RC3H2: variants seen among roughly 807,000 people sequenced by gnomAD.
RC3H2 encodes the protein ring finger and CCCH-type domains 2, also known as roquin-2.
RC3H2 carries 31 observed loss-of-function variants against 133.3 expected under a neutral mutation model. The ratio of observed to expected loss-of-function variants is 0.23; its 90% CI spans 0.17 to 0.31. RC3H2 has a LOEUF of 0.31. RC3H2 is among the 10% of genes least tolerant of loss of function. The probability of loss-of-function intolerance (pLI) is 1.00; values close to 1 mark genes in which losing one functional copy is unlikely to be tolerated. For synonymous variants in RC3H2, 517 were observed against 502.2 expected (o/e 1.03, Z -0.40); for missense variants, 1,175 against 1,437.2 (o/e 0.82, Z 2.95).
At chr9:122,885,102 G>A (rs1428904119) in intron 4 of RC3H2, among the ~76,000 whole-genome samples, 2 of 152,032 alleles carry the variant, frequency 1.3e-5, no homozygotes, top group East Asian at 3.8e-4. Flanking sequence ...GTACTGTATT[G>A]TATCATTAAT....
rs1050478822 is a variant in RC3H2, at chr9:122,850,960, C to T, written c.3380+121G>A. 5 of 1,048,406 alleles carry T rather than the reference C, an allele frequency of 4.8e-6. No individual in the cohort carries two copies. The African/African-American group carries it at 4.8e-5, about 10-fold the overall frequency. The allele number at this position is 1,048,406 out of a possible 1,614,324, so 64.9% of individuals were successfully genotyped here. On this transcript the variant is annotated intron_variant, in intron 20 of 20. Coordinates refer to ENST00000357244, the MANE Select transcript of RC3H2 (RefSeq NM_001100588.3). Reference sequence around the variant, plus strand: ...TTTCTTCCCTAAAAATCCAGATTGACCAAATCATTGCCCATATAAGGTCTT... The same window carrying T: ...TTTCTTCCCTAAAAATCCAGATTGATCAAATCATTGCCCATATAAGGTCTT...
intron 18 of RC3H2, among the ~76,000 whole-genome samples, chr9:122,852,734 A>G (rs1291115837): frequency 1.4e-5 from 2 of 147,374 alleles, no homozygotes; most frequent in Non-Finnish European, 3.0e-5. Flanking sequence ...CTGCCCGGCC[A>G]GCCGCCCCGT....
chr9:122,871,018 CT>C (rs943634213), intron 9 of RC3H2, among the ~76,000 whole-genome samples: 2 of 152,204 alleles, frequency 1.3e-5, no homozygotes, highest in African/African-American at 4.8e-5. Flanking sequence ...TCAACCACCC[CT>C]CCTACAGCTA....
chr9:122,887,444 A>C (rs1266407193), intron 4 of RC3H2, among the ~76,000 whole-genome samples: 2 of 152,016 alleles, frequency 1.3e-5, no homozygotes, highest in Admixed American at 6.6e-5. Flanking sequence ...TCAGCCTCCC[A>C]AAGTACTGGG....
chr9:122,861,677 T>C (rs184274888), intron 10 of RC3H2, among the ~76,000 whole-genome samples: 149 of 152,258 alleles, frequency 9.8e-4, no homozygotes, highest in African/African-American at 3.0e-3. Context: ...ACTCAATACA[T>C]TGCATCTCAA....
chr9:122,851,423 T>C lies in RC3H2; in HGVS notation c.3131A>G (p.Tyr1044Cys), dbSNP rs771473617. Residue 1044 changes from tyrosine to cysteine, a missense_variant, in exon 19 of 21, where the codon TAT becomes TGT. This residue lies in a region of RC3H2 where 220 missense variants were observed against 201.1 expected (regional missense o/e 1.09). Coordinates refer to ENST00000357244, the MANE Select transcript of RC3H2 (RefSeq NM_001100588.3). ...TTTAGTATCTGTTGCATCTTCTGTATAATCACTCTGTAACTAAGAAAAATA... is the reference window on the plus strand; with the variant it reads ...TTTAGTATCTGTTGCATCTTCTGTACAATCACTCTGTAACTAAGAAAAATA... Reference protein sequence around the residue: ...ELRNGELQSDYTEDATDTKPD... With the variant: ...ELRNGELQSDCTEDATDTKPD... 2.5e-6 allele frequency: 4 copies of C among 1,614,112 alleles called. No individual in the cohort carries two copies. Among genetic ancestry groups the C allele is most frequent in the South Asian group, 1.1e-5 (1 of 91,080 alleles).
At chr9:122,904,429 C>T (rs985118009) in intron 1 of RC3H2, among the ~76,000 whole-genome samples, 23 of 152,206 alleles carry the variant, frequency 1.5e-4, no homozygotes, top group African/African-American at 5.3e-4. Context: ...AGTACAGCTG[C>T]TTCTCTGGGA....
At position 122,859,252 on chromosome 9, in the gene RC3H2, C is replaced by CTTTTTTTTTTTTTTTTTTTTTTT. The variant is rs10608695; in HGVS notation, c.1850-151_1850-150insAAAAAAAAAAAAAAAAAAAAAAA. 10 of 179,714 alleles carry CTTTTTTTTTTTTTTTTTTTTTTT rather than the reference C, an allele frequency of 5.6e-5. 2 individuals are homozygous for CTTTTTTTTTTTTTTTTTTTTTTT. The highest frequency in any genetic ancestry group is 3.1e-4 in the East Asian group (1 of 3,244). 11.1% of individuals were successfully genotyped at this position (179,714 alleles called of 1,614,324 possible). ...TGCTTTATAAAGCTTTATACCCTGGCTTTTTTTTTTTTTTTTTTTTTTGGT... is the reference window on the plus strand; with the variant it reads ...TGCTTTATAAAGCTTTATACCCTGGCTTTTTTTTTTTTTTTTTTTTTTTTTTTTTTTTTTTTTTTTTTTTTGGT... On this transcript the variant is annotated intron_variant, in intron 11 of 20. Coordinates refer to ENST00000357244, the MANE Select transcript of RC3H2 (RefSeq NM_001100588.3).
At chr9:122,878,895 T>C (rs993035292) in intron 8 of RC3H2, among the ~76,000 whole-genome samples, 12 of 149,844 alleles carry the variant, frequency 8.0e-5, no homozygotes, top group Non-Finnish European at 1.6e-4. Flanking sequence ...ATTACAGGCA[T>C]CCACCACAAT....
chr9:122,851,963 CTGGGA>C (rs1352367877), intron 18 of RC3H2, among the ~76,000 whole-genome samples: 4 of 148,236 alleles, frequency 2.7e-5, no homozygotes, highest in Non-Finnish European at 6.0e-5. Flanking sequence ...CGCCCATCGT[CTGGGA>C]TGTGAGGAGC....
intron 10 of RC3H2, among the ~76,000 whole-genome samples, chr9:122,864,495 T>C (rs1830565279): frequency 6.6e-6 from 1 of 152,140 alleles, no homozygotes; most frequent in African/African-American, 2.4e-5. Flanking sequence ...GTTGACACCA[T>C]TATAATTCTA....
chr9:122,897,194 C>T lies in RC3H2; in HGVS notation c.231+85G>A. 5 of 1,190,830 alleles carry T rather than the reference C, an allele frequency of 4.2e-6. 1 individual carries two copies. The South Asian group carries it at 7.1e-5, about 17-fold the overall frequency. 73.8% of individuals were successfully genotyped at this position (1,190,830 alleles called of 1,614,324 possible). A position where few individuals can be genotyped will look rare whatever the true frequency, so the allele number is the denominator to read the frequency against. On this transcript the variant is annotated intron_variant, in intron 2 of 20. Coordinates refer to ENST00000357244, the MANE Select transcript of RC3H2 (RefSeq NM_001100588.3). Reference sequence around the variant, plus strand: ...CAAAGATGTCCTGGGCCACATGTAGCCTGCAGGCTGGACAAGCCGTTAAAA... The same window carrying T: ...CAAAGATGTCCTGGGCCACATGTAGTCTGCAGGCTGGACAAGCCGTTAAAA...
intron 2 of RC3H2, among the ~76,000 whole-genome samples, chr9:122,896,897 G>A (rs1832441481): frequency 6.6e-6 from 1 of 151,560 alleles, no homozygotes; most frequent in Admixed American, 6.6e-5. Flanking sequence ...ATGGTGATGT[G>A]GGCCTATAGT....
intron 3 of RC3H2, among the ~76,000 whole-genome samples, chr9:122,891,451 C>T (rs1470972539): frequency 6.6e-6 from 1 of 152,120 alleles, no homozygotes; most frequent in African/African-American, 2.4e-5. Flanking sequence ...TCACTACTTC[C>T]AATTCCTTGT....
chr9:122,866,360 TCTCCCCCTCCCCCTCCCCC>T (rs1209643188), intron 9 of RC3H2, among the ~76,000 whole-genome samples: 2 of 9,186 alleles, frequency 2.2e-4, no homozygotes, highest in Non-Finnish European at 6.3e-4. Flanking sequence ...AATGTCTCCC[TCTCCCCCTCCCCCTCCCCC>T]CTCCCTCTCC....
Position 122,854,396 on chromosome 9 carries a change from A to C in RC3H2, c.2901-130T>G, listed in dbSNP as rs965545916. 1.6e-5 allele frequency: 19 copies of C among 1,179,708 alleles called. No homozygotes were observed. In the African/African-American group the frequency reaches 2.5e-4, roughly 15 times the overall value. 73.1% of individuals were successfully genotyped at this position (1,179,708 alleles called of 1,614,324 possible). A position where few individuals can be genotyped will look rare whatever the true frequency, so the allele number is the denominator to read the frequency against. On this transcript the variant is annotated intron_variant, in intron 16 of 20. Coordinates refer to ENST00000357244, the MANE Select transcript of RC3H2 (RefSeq NM_001100588.3). ...CTCATCGTTCCAAATTTAAATGCAA[A>C]TATTTTTCAGAAATTTGTTATATAG...
At chr9:122,852,076 A>C (rs1383466448) in intron 18 of RC3H2, among the ~76,000 whole-genome samples, 6 of 128,178 alleles carry the variant, frequency 4.7e-5, no homozygotes, top group African/African-American at 1.2e-4. Context: ...GGCCGCCATC[A>C]CATCTAGGAA....
chr9:122,852,863 C>G (rs1286857081), intron 18 of RC3H2, among the ~76,000 whole-genome samples: 4 of 152,198 alleles, frequency 2.6e-5, no homozygotes, highest in Non-Finnish European at 4.4e-5. Context: ...GCCCAGCCAC[C>G]ACCCCGTCTG....
chr9:122,870,904 G>C (rs1588080279), intron 9 of RC3H2, among the ~76,000 whole-genome samples: 1 of 152,156 alleles, frequency 6.6e-6, no homozygotes, highest in African/African-American at 2.4e-5. Context: ...GAAAAATTGT[G>C]CAATCACGCT....
Sources: gnomAD v4.1 joint callset for allele counts (sites outside exome capture counted in the v4.1 genomes callset) on GRCh38, gnomAD v4.1.1 for gene constraint, gnomAD v4.1.1 regional missense constraint, MANE v1.5 for transcripts, NCBI Gene and HGNC (gene_info 2026-07-23, HGNC 2026-07-21) for gene names.